The following HIVEP3 variants were observed in gnomAD, a reference collection of about 807,000 sequenced individuals.
HIVEP3 encodes HIVEP zinc finger 3.
A neutral mutation model predicts 152.8 loss-of-function variants in HIVEP3; 49 were observed. The ratio of observed to expected loss-of-function variants is 0.32; its 90% CI spans 0.26 to 0.41. HIVEP3 has a LOEUF of 0.41. HIVEP3 is among the 10% of genes least tolerant of loss of function. The pLI, the probability that HIVEP3 is intolerant of heterozygous loss-of-function variation, is 1.00. For missense variants in HIVEP3, 2,790 were observed against 3,103.3 expected (o/e 0.90, Z 2.40); for synonymous variants, 1,269 against 1,289.0 (o/e 0.98, Z 0.33).
At chr1:41,971,359 A>T (rs953300700) in intron 1 of HIVEP3, among the ~76,000 whole-genome samples, 1 of 152,192 alleles carries the variant, frequency 6.6e-6, no homozygotes, top group Non-Finnish European at 1.5e-5. Flanking sequence ...CAAACTCCTT[A>T]GCCAAGCATG....
intron 1 of HIVEP3, among the ~76,000 whole-genome samples, chr1:42,018,077 T>C (rs970485208): frequency 6.6e-6 from 1 of 152,082 alleles, no homozygotes; most frequent in African/African-American, 2.4e-5. Flanking sequence ...ACATTCTCTG[T>C]GTAAAGTGTT....
chr1:41,995,548 T>C (rs976086925), intron 1 of HIVEP3, among the ~76,000 whole-genome samples: 4 of 152,116 alleles, frequency 2.6e-5, no homozygotes, highest in Non-Finnish European at 2.9e-5. Flanking sequence ...AGATGAAAGA[T>C]CTGAGATACA....
chr1:41,605,375 G>GCACACA (rs57942643), intron 3 of HIVEP3, among the ~76,000 whole-genome samples: 26 of 126,620 alleles, frequency 2.1e-4, no homozygotes, highest in Non-Finnish European at 3.3e-4. Flanking sequence ...ACGCACACGC[G>GCACACA]CACACACACA....
At chr1:41,754,878 T>C (rs528457721) in intron 1 of HIVEP3, among the ~76,000 whole-genome samples, 1 of 152,300 alleles carries the variant, frequency 6.6e-6, no homozygotes, top group East Asian at 1.9e-4. Context: ...TGTGGGTGTA[T>C]GGAAACAAGC....
chr1:41,875,918 C>T (rs1644162460), intron 1 of HIVEP3, among the ~76,000 whole-genome samples: 1 of 152,182 alleles, frequency 6.6e-6, no homozygotes, highest in African/African-American at 2.4e-5. Flanking sequence ...CTCTCTCCCC[C>T]ACCGGGATGC....
intron 2 of HIVEP3, among the ~76,000 whole-genome samples, chr1:41,653,466 TC>T (rs1177263363): frequency 6.6e-6 from 1 of 152,176 alleles, no homozygotes; most frequent in African/African-American, 2.4e-5. Flanking sequence ...TTTCATTTTC[TC>T]CCTGTAACAC....
chr1:41,853,722 G>A (rs1643670934), intron 1 of HIVEP3, among the ~76,000 whole-genome samples: 1 of 152,094 alleles, frequency 6.6e-6, no homozygotes, highest in Non-Finnish European at 1.5e-5. Flanking sequence ...AGTGAGTGAG[G>A]GAAAGTAGGA....
At chr1:42,033,118 A>C (rs1420503109) in intron 1 of HIVEP3, among the ~76,000 whole-genome samples, 1 of 151,964 alleles carries the variant, frequency 6.6e-6, no homozygotes, top group Non-Finnish European at 1.5e-5. Context: ...GAGGGAGTTA[A>C]ACTAAATGAC....
intron 2 of HIVEP3, among the ~76,000 whole-genome samples, chr1:41,674,218 A>G (rs1645920290): frequency 6.6e-6 from 1 of 152,220 alleles, no homozygotes; most frequent in Admixed American, 6.5e-5. Context: ...CCAGTGCCTG[A>G]TGTTTGTTAA....
intron 1 of HIVEP3, among the ~76,000 whole-genome samples, chr1:41,846,143 T>C (rs1643437847): frequency 6.6e-6 from 1 of 152,186 alleles, no homozygotes; most frequent in Non-Finnish European, 1.5e-5. Flanking sequence ...CGTCCTCACA[T>C]CATCTTAATA....
rs1391540901 is a variant in HIVEP3 at position 41,689,634 on chromosome 1, T to G, written c.-721+11282A>C. ...CTTTGCTTCCTACTGGTTTACATGC[T>G]CAAGGTAGAGGCCATTATGTGTGGG... On this transcript the variant is annotated intron_variant, in intron 2 of 8. Transcript: ENST00000372583. 4.6e-5 allele frequency among the ~76,000 whole-genome samples: 7 copies of G among 152,318 alleles called. No homozygotes were observed. The East Asian group carries it at 1.2e-3, about 25-fold the overall frequency.
chr1:41,819,833 C>T (rs1642536236), intron 1 of HIVEP3, among the ~76,000 whole-genome samples: 1 of 152,042 alleles, frequency 6.6e-6, no homozygotes, highest in East Asian at 1.9e-4. Context: ...AGTATATGTA[C>T]TCTTTAAAAA....
intron 2 of HIVEP3, among the ~76,000 whole-genome samples, chr1:41,691,587 A>G (rs566635694): frequency 6.6e-6 from 1 of 152,328 alleles, no homozygotes; most frequent in African/African-American, 2.4e-5. Flanking sequence ...ACACAGCAAA[A>G]AGGTAACACC....
chr1:41,683,927 C>T (rs1646077680), intron 2 of HIVEP3, among the ~76,000 whole-genome samples: 1 of 152,228 alleles, frequency 6.6e-6, no homozygotes, highest in Non-Finnish European at 1.5e-5. Flanking sequence ...TGGAGGAACT[C>T]AGCAAGTTGT....
At chr1:41,845,310 A>G (rs1172287028) in intron 1 of HIVEP3, among the ~76,000 whole-genome samples, 1 of 152,042 alleles carries the variant, frequency 6.6e-6, no homozygotes, top group Admixed American at 6.6e-5. Context: ...CTGACACATA[A>G]TAGGTGCTCA....
intron 2 of HIVEP3, among the ~76,000 whole-genome samples, chr1:41,695,565 A>G (rs1646260573): frequency 6.6e-6 from 1 of 152,142 alleles, no homozygotes; most frequent in Non-Finnish European, 1.5e-5. Flanking sequence ...ATCACAAGGA[A>G]AACCCCCAAC....
chr1:41,529,632 C>T (rs559709807), intron 5 of HIVEP3, among the ~76,000 whole-genome samples: 1 of 143,800 alleles, frequency 7.0e-6, no homozygotes, highest in South Asian at 2.3e-4. Context: ...ACACCCCCCA[C>T]ACCCTCACAC....
chr1:41,567,408 T>C (rs1297077596), intron 5 of HIVEP3, among the ~76,000 whole-genome samples: 1 of 152,134 alleles, frequency 6.6e-6, no homozygotes, highest in African/African-American at 2.4e-5. Context: ...GGCAACAGGA[T>C]TTGGAGGTAT....
At chr1:41,526,727 ACACT>A (rs1479362414) in intron 5 of HIVEP3, among the ~76,000 whole-genome samples, 2 of 104,746 alleles carry the variant, frequency 1.9e-5, no homozygotes, top group Non-Finnish European at 3.8e-5. Flanking sequence ...ACACCCTCAC[ACACT>A]CACCCTAAAA....
Sources: allele counts gnomAD v4.1 joint callset (sites outside exome capture counted in the v4.1 genomes callset), GRCh38; gene constraint gnomAD v4.1.1; transcripts MANE v1.5; gene names NCBI Gene and HGNC (gene_info 2026-07-23, HGNC 2026-07-21).